The following MYO1B variants were observed in gnomAD, a reference collection of about 807,000 sequenced individuals.
MYO1B encodes myosin IB, also known as unconventional myosin-Ib.
MYO1B carries 72 observed loss-of-function variants against 159.7 expected under a neutral mutation model. The observed-to-expected ratio is 0.45, with a 90% CI of 0.37 to 0.55. The LOEUF (loss-of-function observed/expected upper bound fraction) is 0.55, where lower values mean the gene tolerates loss of function less well. MYO1B is among the 20% of genes least tolerant of loss of function. The pLI is 0.00. For missense variants in MYO1B, 1,062 were observed against 1,364.8 expected (o/e 0.78, Z 3.50); for synonymous variants, 468 against 473.8 (o/e 0.99, Z 0.16).
At chr2:191,413,140 C>A (rs748830479) in intron 27 of MYO1B, among the ~76,000 whole-genome samples, 22 of 151,920 alleles carry the variant, frequency 1.4e-4, no homozygotes, top group Non-Finnish European at 2.6e-4. Flanking sequence ...CAGATGCAAG[C>A]GTAATGTATA....
At chr2:191,361,110 G>A (rs1359079253) in intron 8 of MYO1B, among the ~76,000 whole-genome samples, 1 of 152,132 alleles carries the variant, frequency 6.6e-6, no homozygotes, top group African/African-American at 2.4e-5. Flanking sequence ...ATACGTCTCC[G>A]ATGTGTTGAG....
At position 191,346,416 on chromosome 2, in the gene MYO1B, A is replaced by G. The variant is rs567809368; in HGVS notation, c.498+134A>G. On this transcript the variant is annotated intron_variant, in intron 6 of 30. Coordinates refer to ENST00000392318, the MANE Select transcript of MYO1B (RefSeq NM_001130158.3). ...GGAACATCATCTCTATTGAAACACA[A>G]AGTTCTATAAGGACTCTTGATTTCT... 18 of 575,080 alleles carry G rather than the reference A, an allele frequency of 3.1e-5. 1 individual carries two copies. In the South Asian group the frequency reaches 6.4e-4, roughly 20 times the overall value. The allele number at this position is 575,080 out of a possible 1,614,324, so 35.6% of individuals were successfully genotyped here. A position where few individuals can be genotyped will look rare whatever the true frequency, so the allele number is the denominator to read the frequency against.
chr2:191,247,714 T>A (rs1231453480), intron 1 of MYO1B, among the ~76,000 whole-genome samples: 1 of 152,256 alleles, frequency 6.6e-6, no homozygotes, highest in Non-Finnish European at 1.5e-5. Context: ...ATTGAATTCC[T>A]CTCAAGTACT....
intron 23 of MYO1B, 180 bp from the exon 24 acceptor site, chr2:191,402,452 A>G: frequency 1.7e-6 from 1 of 603,618 alleles, no homozygotes; most frequent in Non-Finnish European, 2.9e-6. Flanking sequence ...CACTGAAAAT[A>G]TAAGCGCTGC....
intron 7 of MYO1B, among the ~76,000 whole-genome samples, chr2:191,350,550 T>C (rs2125983601): frequency 6.6e-6 from 1 of 152,134 alleles, no homozygotes; most frequent in African/African-American, 2.4e-5. Context: ...AAAGATCCTC[T>C]AAGGGTTATT....
intron 4 of MYO1B, among the ~76,000 whole-genome samples, chr2:191,330,723 T>G (rs879198995): frequency 3.9e-5 from 6 of 152,210 alleles, no homozygotes; most frequent in African/African-American, 1.4e-4. Context: ...GGGTTTTTTT[T>G]GATGGAACTG....
intron 1 of MYO1B, among the ~76,000 whole-genome samples, chr2:191,264,469 T>C: frequency 6.9e-6 from 1 of 145,632 alleles, no homozygotes; most frequent in East Asian, 2.0e-4. Flanking sequence ...ATTACTTAAT[T>C]TGTAATCTTT....
intron 1 of MYO1B, among the ~76,000 whole-genome samples, chr2:191,254,920 GTGTTTT>G (rs979242244): frequency 1.3e-5 from 2 of 152,130 alleles, no homozygotes; most frequent in African/African-American, 4.8e-5. Context: ...ACTAGGTACT[GTGTTTT>G]TGTTTTTGTT....
In MYO1B at chr2:191,424,020, G is replaced by C; in HGVS notation, c.*60G>C. The stretch of plus-strand genomic sequence containing the variant: ...CTTTGTAATAGTGCAATTTGGTTTT[G>C]TTTTATTTGGGGTTCATTGTATGTT... On this transcript the variant is annotated 3_prime_UTR_variant, in exon 31 of 31. Coordinates refer to ENST00000392318, the MANE Select transcript of MYO1B (RefSeq NM_001130158.3). 1 of 1,543,938 alleles carries C rather than the reference G, an allele frequency of 6.5e-7. No homozygotes were observed. Among genetic ancestry groups the C allele is most frequent in the Non-Finnish European group, 8.7e-7 (1 of 1,143,838 alleles).
chr2:191,390,173 T>G, intron 17 of MYO1B, 119 bp from the exon 18 acceptor site: 1 of 907,402 alleles, frequency 1.1e-6, no homozygotes, highest in Non-Finnish European at 1.6e-6. Context: ...ATGACTAGGT[T>G]TCTTAAGAAT....
intron 2 of MYO1B, among the ~76,000 whole-genome samples, chr2:191,291,984 T>G (rs1337978775): frequency 6.6e-6 from 1 of 152,164 alleles, no homozygotes; most frequent in Non-Finnish European, 1.5e-5. Context: ...AACATTTGAG[T>G]TATTCTACTG....
At chr2:191,398,765 G>A (rs1157960201) in intron 21 of MYO1B, among the ~76,000 whole-genome samples, 54 of 150,210 alleles carry the variant, frequency 3.6e-4, no homozygotes, top group Admixed American at 3.2e-3. Context: ...GGGCAGAGAC[G>A]CTCCTCACTT....
chr2:191,400,859 A>G (rs770136543), intron 23 of MYO1B, 24 bp downstream of exon 23: 4 of 1,605,204 alleles, frequency 2.5e-6, no homozygotes, highest in Non-Finnish European at 3.4e-6. Flanking sequence ...ATATCCCAAC[A>G]CTCCATCCTG....
intron 4 of MYO1B, among the ~76,000 whole-genome samples, 170 bp from the exon 5 acceptor site, chr2:191,341,291 G>GAAT (rs1042769384): frequency 6.6e-6 from 1 of 152,034 alleles, no homozygotes; most frequent in African/African-American, 2.4e-5. Flanking sequence ...ACATGTCACT[G>GAAT]AATAGAAAGC....
intron 20 of MYO1B, 94 bp from the exon 21 acceptor site, chr2:191,396,335 A>G: frequency 7.7e-7 from 1 of 1,292,008 alleles, no homozygotes; most frequent in Non-Finnish European, 1.1e-6. Flanking sequence ...TAATTGAGTC[A>G]GTTAGACGAA....
chr2:191,416,815 GAAAA>G lies in MYO1B; in HGVS notation c.3287+581_3287+584del, dbSNP rs929546326. ...GGTGACAGTGTGAGACTCCGTCTCA[GAAAA>G]AAAAAAAGAGTCAGGGAGGCCTCTT... is the stretch of plus-strand genomic sequence containing the variant. On this transcript the variant is annotated intron_variant, in intron 30 of 30. Transcript: ENST00000392318. Among the ~76,000 whole-genome samples, 13 of 143,556 alleles carry G rather than the reference GAAAA, an allele frequency of 9.1e-5. No homozygotes were observed. In the East Asian group the frequency reaches 2.4e-3, roughly 27 times the overall value. 94.2% of individuals were successfully genotyped at this position (143,556 alleles called of 152,430 possible). A position where few individuals can be genotyped will look rare whatever the true frequency, so the allele number is the denominator to read the frequency against.
chr2:191,396,710 G>A (rs188499017), intron 21 of MYO1B, among the ~76,000 whole-genome samples: 12 of 152,248 alleles, frequency 7.9e-5, no homozygotes, highest in Admixed American at 7.2e-4. Context: ...CTTTTTAAGC[G>A]CTTTGTTCTC....
At chr2:191,362,662 A>G (rs781447901) in intron 9 of MYO1B, among the ~76,000 whole-genome samples, 2 of 152,176 alleles carry the variant, frequency 1.3e-5, no homozygotes, top group Non-Finnish European at 2.9e-5. Context: ...TTAAATTCCA[A>G]GTGTTTTTAT....
At chr2:191,287,586 G>A (rs1382866505) in intron 2 of MYO1B, among the ~76,000 whole-genome samples, 2 of 151,602 alleles carry the variant, frequency 1.3e-5, no homozygotes, top group East Asian at 1.9e-4. Flanking sequence ...ATGTGCCCAC[G>A]TTCACACAAA....
Sources: allele counts gnomAD v4.1 joint callset (sites outside exome capture counted in the v4.1 genomes callset), GRCh38; gene constraint gnomAD v4.1.1; transcripts MANE v1.5; gene names NCBI Gene and HGNC (gene_info 2026-07-23, HGNC 2026-07-21).